The following LAPTM4B variants were observed in gnomAD, a reference collection of about 807,000 sequenced individuals.
LAPTM4B encodes the protein lysosomal-associated transmembrane protein 4B.
LAPTM4B carries 26 observed loss-of-function variants against 28.5 expected under a neutral mutation model. That is an observed-to-expected ratio of 0.91 (90% CI 0.67 to 1.27). The LOEUF is 1.27. Among genes scored for constraint, LAPTM4B ranks in the 50% most tolerant of loss-of-function variants. The probability of loss-of-function intolerance (pLI) is 0.00; values close to 1 mark genes in which losing one functional copy is unlikely to be tolerated. For synonymous variants in LAPTM4B, 109 were observed against 106.4 expected (o/e 1.02, Z -0.15); for missense variants, 288 against 285.8 (o/e 1.01, Z -0.06).
intron 1 of LAPTM4B, among the ~76,000 whole-genome samples, chr8:97,799,431 C>T (rs1321119078): frequency 6.6e-6 from 1 of 152,140 alleles, no homozygotes; most frequent in Non-Finnish European, 1.5e-5. Flanking sequence ...TGAGTCGTTT[C>T]AAAGGGACTT....
At chr8:97,794,559 A>T (rs1374004615) in intron 1 of LAPTM4B, among the ~76,000 whole-genome samples, 2 of 151,794 alleles carry the variant, frequency 1.3e-5, no homozygotes, top group African/African-American at 2.4e-5. Flanking sequence ...TACCATATTT[A>T]TTTGAATTGA....
intron 5 of LAPTM4B, among the ~76,000 whole-genome samples, chr8:97,824,608 A>G (rs1248146402): frequency 2.6e-5 from 4 of 152,248 alleles, no homozygotes; most frequent in South Asian, 2.1e-4. Context: ...ATTTTTAAAA[A>G]AATCGACTTG....
At chr8:97,847,215 A>T (rs1478616336) in intron 6 of LAPTM4B, among the ~76,000 whole-genome samples, 1 of 152,244 alleles carries the variant, frequency 6.6e-6, no homozygotes, top group African/African-American at 2.4e-5. Context: ...TCATTCAGCC[A>T]TTCCGTAGCT....
chr8:97,829,002 C>T (rs1267035152), intron 6 of LAPTM4B, among the ~76,000 whole-genome samples: 1 of 152,056 alleles, frequency 6.6e-6, no homozygotes, highest in Non-Finnish European at 1.5e-5. Context: ...CAGGGAGGCA[C>T]ATGTAGGTGG....
intron 2 of LAPTM4B, among the ~76,000 whole-genome samples, chr8:97,811,617 A>T (rs1816828556): frequency 6.6e-6 from 1 of 152,078 alleles, no homozygotes; most frequent in Admixed American, 6.6e-5. Context: ...ACTAAGGCTC[A>T]TCTTGCTCTG....
intron 6 of LAPTM4B, among the ~76,000 whole-genome samples, chr8:97,847,997 CTCATGCCTATAA>C (rs1395820875): frequency 6.6e-6 from 1 of 152,202 alleles, no homozygotes. Context: ...GGCATGGTGG[CTCATGCCTATAA>C]TCCCTGTACT....
At chr8:97,815,784 T>C (rs1338996517) in intron 3 of LAPTM4B, among the ~76,000 whole-genome samples, 1 of 152,104 alleles carries the variant, frequency 6.6e-6, no homozygotes, top group Non-Finnish European at 1.5e-5. Flanking sequence ...GGCAGGCTAG[T>C]CTCGAACTCC....
rs376767840 is a variant in LAPTM4B, at chr8:97,831,745, G to C, written c.603+6592G>C. On this transcript the variant is annotated intron_variant, in intron 6 of 6. Coordinates refer to ENST00000521545, the MANE Select transcript of LAPTM4B (RefSeq NM_018407.6). ...TAGATGAGAAAGACAAGTATTGGCT[G>C]TCTGGAGCGGAGACTGGAACGTGTG... 9.8e-5 allele frequency among the ~76,000 whole-genome samples: 15 copies of C among 152,330 alleles called. No individual in the cohort carries two copies. In the East Asian group the frequency reaches 2.5e-3, roughly 25 times the overall value.
At chr8:97,851,122 C>G (rs1214606909) in intron 6 of LAPTM4B, among the ~76,000 whole-genome samples, 3 of 152,120 alleles carry the variant, frequency 2.0e-5, no homozygotes, top group Admixed American at 6.5e-5. Flanking sequence ...TTTTCCTCTT[C>G]AGAGCCATCA....
chr8:97,821,351 T>C lies in LAPTM4B; in HGVS notation c.507+2113T>C, dbSNP rs1586336240. Among the ~76,000 whole-genome samples the C allele has an allele frequency of 1.1e-4, 17 of 150,262 alleles. 1 individual carries two copies. The South Asian group carries it at 3.6e-3, about 32-fold the overall frequency. On this transcript the variant is annotated intron_variant, in intron 5 of 6. Transcript: ENST00000521545. ...AAAAAAAAATAGTGAAATGTTGGGG[T>C]GATCAGACCCAACACCAGGTCGTGG... is the stretch of plus-strand genomic sequence containing the variant.
chr8:97,811,096 C>T (rs745397318), intron 2 of LAPTM4B, among the ~76,000 whole-genome samples: 21 of 152,200 alleles, frequency 1.4e-4, no homozygotes, highest in African/African-American at 4.1e-4. Flanking sequence ...CCAACATTAA[C>T]GCAGTTAACA....
At chr8:97,823,573 CTG>C (rs1817043493) in intron 5 of LAPTM4B, among the ~76,000 whole-genome samples, 1 of 151,678 alleles carries the variant, frequency 6.6e-6, no homozygotes, top group African/African-American at 2.4e-5. Flanking sequence ...CGGGGTTTCA[CTG>C]TGTTGGCCAG....
chr8:97,790,439 G>A (rs1428771683), intron 1 of LAPTM4B, among the ~76,000 whole-genome samples: 4 of 151,636 alleles, frequency 2.6e-5, no homozygotes. Flanking sequence ...AGCTTCCTGA[G>A]TAGCTGGGAC....
intron 6 of LAPTM4B, among the ~76,000 whole-genome samples, chr8:97,826,131 T>C (rs1385104703): frequency 6.6e-6 from 1 of 152,236 alleles, no homozygotes; most frequent in African/African-American, 2.4e-5. Flanking sequence ...TTACAGACTT[T>C]GTATTAAATA....
At chr8:97,831,349 G>C (rs1231685181) in intron 6 of LAPTM4B, among the ~76,000 whole-genome samples, 2 of 152,178 alleles carry the variant, frequency 1.3e-5, no homozygotes, top group African/African-American at 4.8e-5. Flanking sequence ...CAGACTAGGA[G>C]GGTTTGAATT....
intron 5 of LAPTM4B, among the ~76,000 whole-genome samples, chr8:97,821,314 C>T (rs947955863): frequency 4.6e-4 from 64 of 138,994 alleles, no homozygotes; most frequent in African/African-American, 7.2e-4. Flanking sequence ...CCAGCCTGGG[C>T]GACTCCATCT....
At chr8:97,816,316 C>CTTTTT in intron 4 of LAPTM4B, 136 bp downstream of exon 4, 1 of 725,666 alleles carries the variant, frequency 1.4e-6, no homozygotes, top group Non-Finnish European at 2.1e-6. Context: ...TAGGAAATTT[C>CTTTTT]TTTTTTCTTT....
intron 1 of LAPTM4B, among the ~76,000 whole-genome samples, chr8:97,793,517 C>T (rs994181355): frequency 6.6e-6 from 1 of 152,086 alleles, no homozygotes; most frequent in African/African-American, 2.4e-5. Flanking sequence ...TCAGAAAAAT[C>T]GGATTGTTCA....
At chr8:97,827,382 C>T (rs969252910) in intron 6 of LAPTM4B, among the ~76,000 whole-genome samples, 2 of 152,194 alleles carry the variant, frequency 1.3e-5, no homozygotes. Flanking sequence ...AGCTGAACTC[C>T]TGGAGGTTCC....
Sources: gnomAD v4.1 joint callset for allele counts (sites outside exome capture counted in the v4.1 genomes callset) on GRCh38, gnomAD v4.1.1 for gene constraint, MANE v1.5 for transcripts, NCBI Gene and HGNC (gene_info 2026-07-23, HGNC 2026-07-21) for gene names.